UACA: variants seen among roughly 807,000 people sequenced by gnomAD.
The protein encoded by UACA is uveal autoantigen with coiled-coil domains and ankyrin repeats.
In UACA, 112 loss-of-function variants were observed where a neutral mutation model predicts 160.5. The observed-to-expected ratio is 0.70, with a 90% CI of 0.60 to 0.82. The LOEUF (loss-of-function observed/expected upper bound fraction) is 0.82. Among genes scored for constraint, UACA ranks in the 40% least tolerant of loss-of-function variants. The pLI, the probability that UACA is intolerant of heterozygous loss-of-function variation, is 0.00. For synonymous variants in UACA, 557 were observed against 568.4 expected, an observed-to-expected ratio of 0.98 and a Z score of 0.29; for missense variants, 1,574 against 1,614.6, an observed-to-expected ratio of 0.97 and a Z score of 0.43.
At chr15:70,771,023 C>A in the UACA span, among the ~76,000 whole-genome samples, 1 of 152,238 alleles carries the variant, frequency 6.6e-6, no homozygotes. Context: ...ACTCTTACAG[C>A]CAGAGAGCTC....
intron 1 of UACA, among the ~76,000 whole-genome samples, chr15:70,757,395 T>C (rs1022560441): frequency 1.3e-4 from 20 of 152,364 alleles, no homozygotes; most frequent in Admixed American, 1.1e-3. Context: ...CTGACAATCA[T>C]GTCTATAGAC....
chr15:70,766,455 T>C (rs115644060), upstream of UACA, among the ~76,000 whole-genome samples: 27,406 of 151,948 alleles, frequency 0.18, 3,744 homozygotes, highest in African/African-American at 0.38. Flanking sequence ...CTTTTTTTTT[T>C]CCAATATTTA....
At chr15:70,688,653 C>A (rs1897817634) in intron 5 of UACA, among the ~76,000 whole-genome samples, 1 of 151,998 alleles carries the variant, frequency 6.6e-6, no homozygotes, top group Non-Finnish European at 1.5e-5. Flanking sequence ...AAATTAGCGA[C>A]CCTTTACGTC....
intron 1 of UACA, among the ~76,000 whole-genome samples, chr15:70,751,805 C>T (rs2030077969): frequency 6.6e-6 from 1 of 152,110 alleles, no homozygotes; most frequent in East Asian, 1.9e-4. Flanking sequence ...AGAAACACTT[C>T]ATTTTCCTTG....
the UACA span, among the ~76,000 whole-genome samples, chr15:70,778,369 C>T: frequency 2.0e-5 from 3 of 152,252 alleles, no homozygotes; most frequent in Non-Finnish European, 4.4e-5. Flanking sequence ...ACAGTCCTCA[C>T]TGAGCTAAAA....
chr15:70,771,306 G>A, the UACA span, among the ~76,000 whole-genome samples: 4,316 of 152,206 alleles, frequency 0.028, 205 homozygotes, highest in African/African-American at 0.097. Context: ...AATAGCCAAG[G>A]CAAAACAAAA....
the UACA span, among the ~76,000 whole-genome samples, chr15:70,777,294 T>A: frequency 6.6e-6 from 1 of 152,118 alleles, no homozygotes. Context: ...TATTATGAGA[T>A]GTCTATTACA....
chr15:70,694,241 C>A (rs928458101), intron 3 of UACA, among the ~76,000 whole-genome samples: 3 of 150,470 alleles, frequency 2.0e-5, no homozygotes, highest in Non-Finnish European at 3.0e-5. Flanking sequence ...TCTCATGGAA[C>A]AAAAGAGATA....
chr15:70,663,055 T>C (rs1279335314), intron 17 of UACA, among the ~76,000 whole-genome samples: 1 of 152,054 alleles, frequency 6.6e-6, no homozygotes, highest in African/African-American at 2.4e-5. Flanking sequence ...CAAAAGAAAC[T>C]ACCATCAGAG....
chr15:70,696,438 T>G (rs1034444797), intron 2 of UACA, among the ~76,000 whole-genome samples: 6 of 152,208 alleles, frequency 3.9e-5, no homozygotes, highest in Non-Finnish European at 8.8e-5. Flanking sequence ...AACTGCATGC[T>G]TGGAGACAAA....
rs981738348 is a variant in UACA at position 70,667,461 on chromosome 15, A to C, written c.3223T>G (p.Leu1075Val). ...TTTACTTCCGTGTATTTCTGTGACA[A>C]GTCTTTTAACTGTTTGTTTAGCTCG... is the stretch of plus-strand genomic sequence containing the variant. ...TDELNKQLKD[L>V]SQKYTEVKNV... Residue 1075 changes from leucine (L) to valine (V), a missense_variant, in exon 16 of 19, where the codon TTG (leucine) becomes GTG (valine). Physicochemically the swap from Leu to Val is conservative, Grantham distance 32 (BLOSUM62 1). Coordinates refer to ENST00000322954, the MANE Select transcript of UACA (RefSeq NM_018003.4). 5.6e-6 allele frequency: 9 copies of C among 1,609,732 alleles called. No homozygotes were observed. Among genetic ancestry groups the C allele is most frequent in the Non-Finnish European group, 7.6e-6 (9 of 1,179,486 alleles).
chr15:70,658,411 C>A (rs1002502035), intron 18 of UACA, among the ~76,000 whole-genome samples: 1 of 152,178 alleles, frequency 6.6e-6, no homozygotes, highest in Non-Finnish European at 1.5e-5. Context: ...TTTCCCTCTA[C>A]AGAGATTGTA....
At chr15:70,750,788 T>C (rs1322652611) in intron 1 of UACA, among the ~76,000 whole-genome samples, 4 of 152,154 alleles carry the variant, frequency 2.6e-5, no homozygotes, top group Non-Finnish European at 4.4e-5. Context: ...GTCAAGACTG[T>C]GCCACTGCAC....
At chr15:70,670,911 C>CT in intron 15 of UACA, 128 bp downstream of exon 15, 1 of 444,106 alleles carries the variant, frequency 2.3e-6, no homozygotes, top group Non-Finnish European at 3.9e-6. Context: ...ACCAACTTGT[C>CT]TTTGATAATG....
rs557902173 is a variant in UACA at position 70,747,425 on chromosome 15, A to G, written c.78+15905T>C. ...TGCTCTATCGCCCAGGCTGGAGTAC[A>G]CTGTCATCATCATGGCTCACTTCAG... On this transcript the variant is annotated intron_variant, in intron 1 of 18. Transcript: ENST00000322954. Among the ~76,000 whole-genome samples the G allele has an allele frequency of 4.6e-5, 7 of 151,924 alleles. No individual in the cohort carries two copies. In the East Asian group the frequency reaches 1.4e-3, roughly 29 times the overall value.
rs1220050162 is a variant in UACA, at chr15:70,657,181, A to C, written c.4180-54T>G. On this transcript the variant is annotated intron_variant, in intron 18 of 18. Transcript: ENST00000322954. ...ATTTTATGTCATCTTTGTTTACATA[A>C]GAATTCTAAAGATAAAGCTTTTACA... The C allele has an allele frequency of 2.8e-6, 4 of 1,417,090 alleles. No individual in the cohort carries two copies. The African/African-American group carries it at 5.6e-5, about 20-fold the overall frequency. 87.8% of individuals were successfully genotyped at this position (1,417,090 alleles called of 1,614,324 possible). A position where few individuals can be genotyped will look rare whatever the true frequency, so the allele number is the denominator to read the frequency against.
intron 17 of UACA, among the ~76,000 whole-genome samples, chr15:70,662,848 T>C (rs1350476826): frequency 6.6e-6 from 1 of 152,094 alleles, no homozygotes; most frequent in Non-Finnish European, 1.5e-5. Flanking sequence ...TTACACCTTA[T>C]ACAAAAATTA....
chr15:70,679,437 A>AATAGATAG (rs1555410218), intron 10 of UACA, among the ~76,000 whole-genome samples, 171 bp downstream of exon 10: 2 of 148,136 alleles, frequency 1.4e-5, no homozygotes, highest in African/African-American at 2.5e-5. Context: ...TAAATAAATA[A>AATAGATAG]ATAGAAGAGA....
chr15:70,659,391 G>GTTTTTTTTTTTTTTTTTTT (rs1375150038), intron 18 of UACA, among the ~76,000 whole-genome samples: 3 of 9,956 alleles, frequency 3.0e-4, no homozygotes, highest in Non-Finnish European at 4.2e-4. Flanking sequence ...TTCATTTTTT[G>GTTTTTTTTTTTTTTTTTTT]TTTGTTTTTT....
Sources: allele counts gnomAD v4.1 joint callset (sites outside exome capture counted in the v4.1 genomes callset), GRCh38; gene constraint gnomAD v4.1.1; transcripts MANE v1.5; gene names NCBI Gene and HGNC (gene_info 2026-07-23, HGNC 2026-07-21).